The following NELFA variants were observed in gnomAD, a reference collection of about 807,000 sequenced individuals.
The protein encoded by NELFA is negative elongation factor A.
Under a neutral mutation model 51.8 loss-of-function variants are expected in NELFA, and 35 were observed. The ratio of observed to expected loss-of-function variants is 0.68; its 90% confidence interval spans 0.52 to 0.90. The LOEUF is 0.90. NELFA is among the 40% of genes least tolerant of loss of function. The pLI is 0.00. For synonymous variants in NELFA, 417 were observed against 338.4 expected, an observed-to-expected ratio of 1.23 and a Z score of -2.55; for missense variants, 658 against 746.4, an observed-to-expected ratio of 0.88 and a Z score of 1.38.
intron 8 of NELFA, 106 bp downstream of exon 8, chr4:1,984,702 C>G: frequency 2.7e-6 from 2 of 749,278 alleles, no homozygotes; most frequent in Non-Finnish European, 4.4e-6. Context: ...AGAAGGGGGA[C>G]AACAGAGATG....
Position 1,983,245 on chromosome 4 carries a change from C to G in NELFA, c.*74G>C. On this transcript the variant is annotated 3_prime_UTR_variant, in exon 11 of 11. Transcript: ENST00000382882. ...CCTCGGGGGCCAGGTGTCCGCCATC[C>G]GGTTACTTTAAGCTGGCAAAGCCAT... The G allele has an allele frequency of 6.7e-7, 1 of 1,485,178 alleles. No homozygotes were observed. The highest frequency in any genetic ancestry group is 9.1e-7 in the Non-Finnish European group (1 of 1,093,748). The allele number at this position is 1,485,178 out of a possible 1,614,324, so 92.0% of individuals were successfully genotyped here.
intron 1 of NELFA, among the ~76,000 whole-genome samples, chr4:1,997,347 G>A (rs1242318694): frequency 6.6e-6 from 1 of 152,200 alleles, no homozygotes; most frequent in Non-Finnish European, 1.5e-5. Flanking sequence ...GACAGTCTGG[G>A]TAAGTAAAAC....
Position 1,989,977 on chromosome 4 carries a change from C to A in NELFA, c.383-108G>T. 7.3e-7 allele frequency: 1 copy of A among 1,371,174 alleles called. No individual in the cohort carries two copies. Among genetic ancestry groups the A allele is most frequent in the South Asian group, 1.4e-5 (1 of 71,970 alleles). The allele number at this position is 1,371,174 out of a possible 1,614,324, so 84.9% of individuals were successfully genotyped here. On this transcript the variant is annotated intron_variant, in intron 2 of 10. Coordinates refer to ENST00000382882, the MANE Select transcript of NELFA (RefSeq NM_005663.5). The surrounding 1 kb of genome is among the most constrained non-coding windows in gnomAD (Gnocchi z 4.8). ...ACACCCTCCTCAGTTAGGGTTAGGT[C>A]ATGGGAGCTTCGGCTGTCCCCTGAG...
chr4:2,002,122 C>T (rs1389514741), intron 1 of NELFA, among the ~76,000 whole-genome samples: 1 of 151,826 alleles, frequency 6.6e-6, no homozygotes, highest in Non-Finnish European at 1.5e-5. Flanking sequence ...ATGGCGTGAA[C>T]CCGGGAGGCG....
chr4:1,985,234 T>C (rs551895455), intron 7 of NELFA, among the ~76,000 whole-genome samples: 9 of 152,336 alleles, frequency 5.9e-5, no homozygotes, highest in Admixed American at 1.3e-4. Flanking sequence ...AAGATGCTCA[T>C]GTTAAGAAAC....
At chr4:2,005,897 G>A (rs571389970) in intron 1 of NELFA, among the ~76,000 whole-genome samples, 1 of 152,222 alleles carries the variant, frequency 6.6e-6, no homozygotes, top group East Asian at 1.9e-4. Context: ...CAAATTATAG[G>A]ATGCAATATA....
At position 1,984,795 on chromosome 4, in the gene NELFA, C is replaced by A. The variant is rs369328757; in HGVS notation, c.1036+13G>T. The A allele has an allele frequency of 6.8e-4, 1,059 of 1,547,244 alleles. 1 individual carries two copies. The highest frequency in any genetic ancestry group is 8.9e-4 in the Non-Finnish European group (1,023 of 1,143,334). ...CAGCTTGGCTGGTTCCAGGCTGGGG[C>A]CAGCAGACTCACCTGGGGGCGTCTC... is the stretch of plus-strand genomic sequence containing the variant. On this transcript the variant is annotated intron_variant, in intron 8 of 10. Transcript: ENST00000382882.
Position 1,983,286 on chromosome 4 carries a change from C to T in NELFA, c.*33G>A, listed in dbSNP as rs369610622. ...GCAAAGCCATCGTCCCGTGGACCCCCACAAGTGACGGCCAGCTGTGAGGCA... is the reference window on the plus strand; with the variant it reads ...GCAAAGCCATCGTCCCGTGGACCCCTACAAGTGACGGCCAGCTGTGAGGCA... On this transcript the variant is annotated 3_prime_UTR_variant, in exon 11 of 11. Coordinates refer to ENST00000382882, the MANE Select transcript of NELFA (RefSeq NM_005663.5). 6 of 1,594,356 alleles carry T rather than the reference C, an allele frequency of 3.8e-6. No homozygotes were observed. The highest frequency in any genetic ancestry group is 5.1e-6 in the Non-Finnish European group (6 of 1,166,294).
At chr4:2,008,108 G>T (rs1278927905) in intron 1 of NELFA, 1 of 444,558 alleles carries the variant, frequency 2.2e-6, no homozygotes, top group African/African-American at 2.0e-5. Flanking sequence ...AGCCCAGGCC[G>T]CCCCTTCCTC....
intron 1 of NELFA, among the ~76,000 whole-genome samples, chr4:2,000,830 A>G (rs1728550577): frequency 6.6e-6 from 1 of 152,144 alleles, no homozygotes; most frequent in African/African-American, 2.4e-5. Flanking sequence ...CAAAACTGGG[A>G]AGAGACAACA....
intron 4 of NELFA, among the ~76,000 whole-genome samples, chr4:1,987,219 G>A (rs796107969): frequency 2.6e-5 from 4 of 152,210 alleles, no homozygotes; most frequent in African/African-American, 7.2e-5. Context: ...GCGCCTGTAA[G>A]GCTGCCCTTT....
chr4:1,998,963 C>T (rs1434852060), intron 1 of NELFA, among the ~76,000 whole-genome samples: 1 of 152,162 alleles, frequency 6.6e-6, no homozygotes, highest in Non-Finnish European at 1.5e-5. Flanking sequence ...TGCAGAAACT[C>T]TACAAGCCAG....
chr4:1,983,097 G>GTGTC lies in NELFA; in HGVS notation c.*218_*221dup, dbSNP rs1727942459. ...AAAAATGTAACGTTGAGTCCAAAAA[G>GTGTC]TGTCTTAAATCACACAAAAAAGAAC... is the stretch of plus-strand genomic sequence containing the variant. On this transcript the variant is annotated 3_prime_UTR_variant, in exon 11 of 11. Coordinates refer to ENST00000382882, the MANE Select transcript of NELFA (RefSeq NM_005663.5). 9 of 448,240 alleles carry GTGTC rather than the reference G, an allele frequency of 2.0e-5. No individual in the cohort carries two copies. In the East Asian group the frequency reaches 3.1e-4, roughly 15 times the overall value. 27.8% of individuals were successfully genotyped at this position (448,240 alleles called of 1,614,324 possible).
chr4:1,990,099 A>G, intron 2 of NELFA: 1 of 572,906 alleles, frequency 1.7e-6, no homozygotes, highest in East Asian at 3.0e-5. Flanking sequence ...AGAGGGCTGT[A>G]AACTGGAAAC....
At chr4:2,002,423 A>C (rs536175363) in intron 1 of NELFA, among the ~76,000 whole-genome samples, 18 of 152,330 alleles carry the variant, frequency 1.2e-4, no homozygotes, top group African/African-American at 4.3e-4. Flanking sequence ...CATATAGCCA[A>C]GACAATCCTA....
At chr4:2,006,635 G>C (rs569357238) in intron 1 of NELFA, among the ~76,000 whole-genome samples, 1 of 152,028 alleles carries the variant, frequency 6.6e-6, no homozygotes, top group South Asian at 2.1e-4. Context: ...GCCAGGCGTG[G>C]TGGCAGCGCA....
chr4:2,008,618 CG>C (rs1316877501), intron 1 of NELFA, 131 bp downstream of exon 1: 58 of 958,026 alleles, frequency 6.1e-5, no homozygotes, highest in African/African-American at 1.2e-4. Flanking sequence ...GAGGGCGGGC[CG>C]GGGGGGTTAA....
chr4:1,983,139 A>AAAAT lies in NELFA; in HGVS notation c.*176_*179dup, dbSNP rs1727944107. On this transcript the variant is annotated 3_prime_UTR_variant, in exon 11 of 11. Transcript: ENST00000382882. ...AAAAAGAACCCATATTAAAATTTTA[A>AAAAT]AAATAAGCCCCAAATACCCCAGAGA... 5.8e-6 allele frequency: 3 copies of AAAAT among 520,036 alleles called. No individual in the cohort carries two copies. The highest frequency in any genetic ancestry group is 6.6e-6 in the Non-Finnish European group (2 of 304,878). The allele number at this position is 520,036 out of a possible 1,614,324, so 32.2% of individuals were successfully genotyped here. A position where few individuals can be genotyped will look rare whatever the true frequency, so the allele number is the denominator to read the frequency against.
chr4:1,990,498 C>T (rs768316646), intron 2 of NELFA: 22 of 456,592 alleles, frequency 4.8e-5, no homozygotes, highest in African/African-American at 8.0e-5. Flanking sequence ...GAGACACGAA[C>T]GGGTGGGGTG....
Sources: gnomAD v4.1 joint callset for allele counts (sites outside exome capture counted in the v4.1 genomes callset) on GRCh38, gnomAD v4.1.1 for gene constraint, Gnocchi (gnomAD v3.1) non-coding constraint, MANE v1.5 for transcripts, NCBI Gene and HGNC (gene_info 2026-07-23, HGNC 2026-07-21) for gene names.